ITGA4: variants seen among roughly 807,000 people sequenced by gnomAD.
ITGA4 encodes the protein integrin alpha-4.
In ITGA4, 63 loss-of-function variants were observed where a neutral mutation model predicts 133.6. The observed-to-expected ratio is 0.47, with a 90% CI of 0.38 to 0.58. The LOEUF (loss-of-function observed/expected upper bound fraction) is 0.58, where lower values mean the gene tolerates loss of function less well. Among genes scored for constraint, ITGA4 ranks in the 20% least tolerant of loss-of-function variants. The pLI, the probability that ITGA4 is intolerant of heterozygous loss-of-function variation, is 0.00. For missense variants in ITGA4, 1,076 were observed against 1,252.7 expected (o/e 0.86, Z 2.13); for synonymous variants, 483 against 438.0 (o/e 1.10, Z -1.28).
chr2:181,460,004 T>A (rs1343351680), intron 2 of ITGA4, among the ~76,000 whole-genome samples: 2 of 152,094 alleles, frequency 1.3e-5, no homozygotes, highest in Non-Finnish European at 2.9e-5. Context: ...AGCATGGGAG[T>A]TGACTGTTCT....
chr2:181,474,258 C>T (rs993610193), intron 2 of ITGA4, among the ~76,000 whole-genome samples: 1 of 152,142 alleles, frequency 6.6e-6, no homozygotes, highest in African/African-American at 2.4e-5. Flanking sequence ...TATAGAAGTA[C>T]TATCTAGTAC....
At chr2:181,463,450 G>A (rs1685335801) in intron 2 of ITGA4, among the ~76,000 whole-genome samples, 1 of 152,122 alleles carries the variant, frequency 6.6e-6, no homozygotes, top group Non-Finnish European at 1.5e-5. Context: ...GACTACAGAT[G>A]ACAAGTGTCT....
At chr2:181,488,651 C>G (rs1044053003) in intron 10 of ITGA4, among the ~76,000 whole-genome samples, 8 of 151,848 alleles carry the variant, frequency 5.3e-5, no homozygotes, top group Non-Finnish European at 1.2e-4. Context: ...CTCTGACTCC[C>G]GGGTTCATGC....
chr2:181,525,156 T>G, intron 20 of ITGA4, 46 bp from the exon 21 acceptor site: 1 of 1,104,818 alleles, frequency 9.1e-7, no homozygotes, highest in Admixed American at 1.7e-5. Flanking sequence ...TCTCTGAAGA[T>G]TTTTCTGCTT....
At chr2:181,521,068 CTT>C (rs1323429109) in intron 17 of ITGA4, among the ~76,000 whole-genome samples, 1 of 152,086 alleles carries the variant, frequency 6.6e-6, no homozygotes, top group Non-Finnish European at 1.5e-5. Flanking sequence ...ATTGAAGAAA[CTT>C]TCTAAATTCT....
chr2:181,509,137 A>T (rs1035366298), intron 15 of ITGA4, among the ~76,000 whole-genome samples: 1 of 1,266 alleles, frequency 7.9e-4, no homozygotes, highest in Non-Finnish European at 6.3e-3. Flanking sequence ...CCATCTCTTA[A>T]AAAAAAAAAA....
Position 181,495,701 on chromosome 2 carries a change from TA to T in ITGA4, c.1386-79del. 8.0e-7 allele frequency: 1 copy of T among 1,254,396 alleles called. No individual in the cohort carries two copies. The highest frequency in any genetic ancestry group is 2.3e-5 in the East Asian group (1 of 42,994). The allele number at this position is 1,254,396 out of a possible 1,614,324, so 77.7% of individuals were successfully genotyped here. On this transcript the variant is annotated intron_variant, in intron 13 of 27. Transcript: ENST00000397033. The surrounding 1 kb of genome is among the most constrained non-coding windows in gnomAD (Gnocchi z 4.3). ...GACTCATGAAATTACTTGGTGAATGTAAACTGAAAAAACAAACGCATTTCTC... is the reference window on the plus strand; with the variant it reads ...GACTCATGAAATTACTTGGTGAATGTAACTGAAAAAACAAACGCATTTCTC...
rs1687312983 is a variant in ITGA4, at chr2:181,538,449, C to T, written c.*2922C>T. Among the ~76,000 whole-genome samples, 1 of 152,030 alleles carries T rather than the reference C, an allele frequency of 6.6e-6. No individual in the cohort carries two copies. The highest frequency in any genetic ancestry group is 2.4e-5 in the African/African-American group (1 of 41,392). On this transcript the variant is annotated 3_prime_UTR_variant, in exon 28 of 28. Transcript: ENST00000397033. Reference sequence around the variant, plus strand: ...CTCTAAAACCTCCTTAACTGACTTCCTTGATTGTCCAATGCTCTCCATTAC... The same window carrying T: ...CTCTAAAACCTCCTTAACTGACTTCTTTGATTGTCCAATGCTCTCCATTAC...
intron 15 of ITGA4, among the ~76,000 whole-genome samples, chr2:181,504,948 G>A (rs1164850274): frequency 6.6e-6 from 1 of 151,706 alleles, no homozygotes. Flanking sequence ...ATATAAGATG[G>A]TGATGGTTCA....
chr2:181,457,471 C>G lies in ITGA4; in HGVS notation c.-184C>G, dbSNP rs1685148866. ...GAGTGCGCGGCATCCCAGGCCGGCC[C>G]GAACGCTCCGCCCGCGGTGGGCCGA... On this transcript the variant is annotated 5_prime_UTR_variant, in exon 1 of 28. Coordinates refer to ENST00000397033, the MANE Select transcript of ITGA4 (RefSeq NM_000885.6). 1.7e-6 allele frequency: 1 copy of G among 596,138 alleles called. No homozygotes were observed. The highest frequency in any genetic ancestry group is 2.0e-5 in the African/African-American group (1 of 50,960). 36.9% of individuals were successfully genotyped at this position (596,138 alleles called of 1,614,324 possible).
rs1489388246 is a variant in ITGA4 at position 181,507,605 on chromosome 2, C to T, written c.1696-2053C>T. ...ACTTGGATACAAAAATCCAAGGATC[C>T]TCAAGTCCCTTATATAAAATTGTGC... On this transcript the variant is annotated intron_variant, in intron 15 of 27. Transcript: ENST00000397033. 2.6e-5 allele frequency among the ~76,000 whole-genome samples: 4 copies of T among 152,218 alleles called. No individual in the cohort carries two copies. In the South Asian group the frequency reaches 6.2e-4, roughly 24 times the overall value.
intron 15 of ITGA4, among the ~76,000 whole-genome samples, chr2:181,504,223 G>A (rs185619726): frequency 6.6e-6 from 1 of 152,126 alleles, no homozygotes; most frequent in East Asian, 1.9e-4. Context: ...GCCTTCGCAT[G>A]TTTTATTAAA....
chr2:181,522,279 T>C lies in ITGA4; in HGVS notation c.2011T>C (p.Tyr671His), dbSNP rs1160879539. ...VSLFNAGDDA[Y>H]ETTLHVKLPV... ...CTTGTTTAATGCTGGAGATGATGCATATGAAACGACTCTACATGTCAAACT... is the reference window on the plus strand; with the variant it reads ...CTTGTTTAATGCTGGAGATGATGCACATGAAACGACTCTACATGTCAAACT... Residue 671 changes from tyrosine to histidine, a missense_variant, in exon 18 of 28, where the codon TAT becomes CAT. Tyr to His is a moderately conservative substitution (Grantham distance 83, BLOSUM62 2). Coordinates refer to ENST00000397033, the MANE Select transcript of ITGA4 (RefSeq NM_000885.6). 1 of 1,607,882 alleles carries C rather than the reference T, an allele frequency of 6.2e-7. No homozygotes were observed. Among genetic ancestry groups the C allele is most frequent in the African/African-American group, 1.3e-5 (1 of 74,778 alleles).
chr2:181,464,402 C>T (rs1685363433), intron 2 of ITGA4, among the ~76,000 whole-genome samples: 1 of 152,100 alleles, frequency 6.6e-6, no homozygotes, highest in African/African-American at 2.4e-5. Flanking sequence ...TTATTGATTA[C>T]TTATGTATTG....
chr2:181,475,358 T>A, intron 4 of ITGA4, 70 bp downstream of exon 4: 1 of 1,265,068 alleles, frequency 7.9e-7, no homozygotes, highest in Non-Finnish European at 1.1e-6. Context: ...TTTAAATTTA[T>A]GTTCAAGTTT....
In ITGA4 at chr2:181,524,302, G is replaced by A. The variant is rs538294865; in HGVS notation, c.2249+52G>A. On this transcript the variant is annotated intron_variant, in intron 20 of 27. Transcript: ENST00000397033. ...CTAGAAATATACCCCCATATTCTGA[G>A]GGGGGGGAATTAGGAGAACCGTAAA... The A allele has an allele frequency of 1.4e-5, 14 of 979,358 alleles. No individual in the cohort carries two copies. In the East Asian group the frequency reaches 3.3e-4, roughly 23 times the overall value. The allele number at this position is 979,358 out of a possible 1,614,324, so 60.7% of individuals were successfully genotyped here.
intron 15 of ITGA4, among the ~76,000 whole-genome samples, chr2:181,503,406 G>C (rs989647664): frequency 1.3e-5 from 2 of 151,886 alleles, no homozygotes; most frequent in Non-Finnish European, 2.9e-5. Flanking sequence ...TTTTTGTTCT[G>C]GCATGTTATT....
intron 14 of ITGA4, 86 bp from the exon 15 acceptor site, chr2:181,498,537 A>G (rs1686203995): frequency 2.7e-6 from 2 of 741,606 alleles, no homozygotes. Context: ...CCAGTAGTCC[A>G]TATAACTTTA....
Position 181,485,932 on chromosome 2 carries a change from G to C in ITGA4, c.1093G>C (p.Ala365Pro). ...AAACCTCGTTGGAAGTGACAAATAT[G>C]CTGCAAGATTTGGGGAATCTATAGT... is the stretch of plus-strand genomic sequence containing the variant. ...ETNLVGSDKY[A>P]ARFGESIVNL... is the part of the protein sequence containing the mutation. The change falls in exon 10 of 28, where the codon GCT becomes CCT. Residue 365 changes from alanine to proline, a missense_variant. Around this residue, in one of 4 missense-constraint regions of ITGA4, gnomAD observed 436 missense variants for 590.7 expected, o/e 0.74. Transcript: ENST00000397033. The C allele has an allele frequency of 6.2e-7, 1 of 1,605,702 alleles. No individual in the cohort carries two copies. The highest frequency in any genetic ancestry group is 8.5e-7 in the Non-Finnish European group (1 of 1,178,102).
Sources: allele counts gnomAD v4.1 joint callset (sites outside exome capture counted in the v4.1 genomes callset), GRCh38; gene constraint gnomAD v4.1.1; regional missense constraint gnomAD v4.1.1; non-coding constraint Gnocchi (gnomAD v3.1); transcripts MANE v1.5; gene names NCBI Gene and HGNC (gene_info 2026-07-23, HGNC 2026-07-21).